The following CCSER1 variants were observed in gnomAD, a reference collection of about 807,000 sequenced individuals.
CCSER1 encodes serine-rich coiled-coil domain-containing protein 1.
CCSER1 carries 41 observed loss-of-function variants against 82.0 expected under a neutral mutation model. That is an observed-to-expected ratio of 0.50 (90% CI 0.39 to 0.65). CCSER1 has a LOEUF of 0.65. Among genes scored for constraint, CCSER1 ranks in the 30% least tolerant of loss-of-function variants. The probability of loss-of-function intolerance (pLI) is 0.00; values close to 1 mark genes in which losing one functional copy is unlikely to be tolerated. For missense variants in CCSER1, 1,119 were observed against 1,064.2 expected, an observed-to-expected ratio of 1.05 and a Z score of -0.72; for synonymous variants, 414 against 383.9, an observed-to-expected ratio of 1.08 and a Z score of -0.92.
At chr4:91,455,116 A>C (rs1756084567) in intron 10 of CCSER1, among the ~76,000 whole-genome samples, 2 of 152,236 alleles carry the variant, frequency 1.3e-5, no homozygotes, top group East Asian at 1.9e-4. Flanking sequence ...TGAGTTTAAT[A>C]AAATTTCATG....
chr4:90,550,311 A>G (rs992881620), intron 5 of CCSER1, among the ~76,000 whole-genome samples: 3 of 152,168 alleles, frequency 2.0e-5, no homozygotes, highest in Non-Finnish European at 4.4e-5. Flanking sequence ...ACATTTATTG[A>G]ACATGGAAAT....
rs190503695 is a variant in CCSER1 at position 90,749,588 on chromosome 4, G to T, written c.2010+25597G>T. Among the ~76,000 whole-genome samples, 297 of 152,184 alleles carry T rather than the reference G, an allele frequency of 2.0e-3. 2 individuals are homozygous for T. Among genetic ancestry groups the T allele is most frequent in the Non-Finnish European group, 2.7e-3 (184 of 68,006 alleles). On this transcript the variant is annotated intron_variant, in intron 7 of 10. Coordinates refer to ENST00000509176, the MANE Select transcript of CCSER1 (RefSeq NM_001145065.2). ...AATTCTGTGAACAAAGTCATTGGTA[G>T]CTTGATGGGGATGACATTGAATCTG...
At chr4:91,395,221 G>C (rs188696705) in intron 10 of CCSER1, among the ~76,000 whole-genome samples, 1 of 152,094 alleles carries the variant, frequency 6.6e-6, no homozygotes, top group African/African-American at 2.4e-5. Flanking sequence ...AACTGTGCTG[G>C]TCAGTTACAG....
chr4:91,497,764 T>C (rs553871425), intron 10 of CCSER1, among the ~76,000 whole-genome samples: 13 of 152,040 alleles, frequency 8.6e-5, no homozygotes, highest in East Asian at 1.9e-4. Context: ...TTCACTATTA[T>C]ATCAATCTTT....
chr4:90,367,592 A>G (rs1578138639), intron 3 of CCSER1, among the ~76,000 whole-genome samples: 1 of 151,954 alleles, frequency 6.6e-6, no homozygotes, highest in East Asian at 1.9e-4. Flanking sequence ...ACAAAAGAAT[A>G]TATGCACAAA....
chr4:91,084,647 C>G (rs945453970), intron 9 of CCSER1, among the ~76,000 whole-genome samples: 17 of 152,012 alleles, frequency 1.1e-4, no homozygotes, highest in Admixed American at 9.2e-4. Context: ...GTTTTATATT[C>G]TTTGTCACAT....
chr4:90,836,738 C>T (rs1761853556), intron 8 of CCSER1, among the ~76,000 whole-genome samples: 1 of 152,182 alleles, frequency 6.6e-6, no homozygotes, highest in African/African-American at 2.4e-5. Context: ...TCATGTCCCT[C>T]AGAACCTCAG....
rs397878573 is a variant in CCSER1, at chr4:90,247,855, G to GT, written c.-41-60381dup. Among the ~76,000 whole-genome samples, 157 of 150,966 alleles carry GT rather than the reference G, an allele frequency of 1.0e-3. 1 individual carries two copies. Among genetic ancestry groups the GT allele is most frequent in the African/African-American group, 3.6e-3 (149 of 41,184 alleles). ...TTAGACTAGCTGGTTCTTATTTATGGTTTTTTTTGAAAAAAGCATTTTTGA... is the reference window on the plus strand; with the variant it reads ...TTAGACTAGCTGGTTCTTATTTATGGTTTTTTTTTGAAAAAAGCATTTTTGA... On this transcript the variant is annotated intron_variant, in intron 1 of 10. Coordinates refer to ENST00000509176, the MANE Select transcript of CCSER1 (RefSeq NM_001145065.2).
rs949711510 is a variant in CCSER1 at position 91,265,615 on chromosome 4, C to T, written c.2217+179621C>T. On this transcript the variant is annotated intron_variant, in intron 10 of 10. Transcript: ENST00000509176. ...TAGGTACCACTTCCATTGGTCTGTTCACTTCTGTTCCATTAATTGTTTCCT... is the reference window on the plus strand; with the variant it reads ...TAGGTACCACTTCCATTGGTCTGTTTACTTCTGTTCCATTAATTGTTTCCT... Among the ~76,000 whole-genome samples the T allele has an allele frequency of 2.0e-5, 3 of 152,098 alleles. No individual in the cohort carries two copies. In the South Asian group the frequency reaches 6.2e-4, roughly 31 times the overall value.
chr4:91,438,875 G>C (rs1023211092), intron 10 of CCSER1, among the ~76,000 whole-genome samples: 1 of 152,168 alleles, frequency 6.6e-6, no homozygotes, highest in African/African-American at 2.4e-5. Context: ...GGAAGAAAGG[G>C]TATCAGTGAT....
At chr4:90,354,621 A>T in intron 3 of CCSER1, among the ~76,000 whole-genome samples, 1 of 152,090 alleles carries the variant, frequency 6.6e-6, no homozygotes, top group East Asian at 1.9e-4. Flanking sequence ...CTACTTTTCA[A>T]TTATACCCCA....
Position 90,309,571 on chromosome 4 carries a change from C to A in CCSER1, c.1287C>A (p.Asn429Lys). The change falls in exon 2 of 11, where the codon AAC becomes AAA. Residue 429 changes from asparagine (N) to lysine (K), a missense_variant. Asn to Lys is a moderately conservative substitution (Grantham distance 94, BLOSUM62 0). Transcript: ENST00000509176. ...IPTSGDHHIF[N>K]KTSHGYEANP... ...CTTCTGGTGATCATCATATTTTTAACAAAACATCACATGGATATGAAGCAA... is the reference window on the plus strand; with the variant it reads ...CTTCTGGTGATCATCATATTTTTAAAAAAACATCACATGGATATGAAGCAA... 6.2e-7 allele frequency: 1 copy of A among 1,603,232 alleles called. No individual in the cohort carries two copies.
intron 5 of CCSER1, among the ~76,000 whole-genome samples, chr4:90,578,089 A>G (rs1273577373): frequency 6.6e-5 from 10 of 152,166 alleles, no homozygotes; most frequent in Non-Finnish European, 4.4e-5. Context: ...AAGACTAAAT[A>G]CCCTTTCATA....
At chr4:91,394,240 G>A (rs1371856191) in intron 10 of CCSER1, among the ~76,000 whole-genome samples, 1 of 151,988 alleles carries the variant, frequency 6.6e-6, no homozygotes, top group Non-Finnish European at 1.5e-5. Flanking sequence ...AATTGAAAAG[G>A]TAGTAAAAAA....
chr4:91,385,894 G>A (rs910988068), intron 10 of CCSER1, among the ~76,000 whole-genome samples: 3 of 151,758 alleles, frequency 2.0e-5, no homozygotes, highest in Admixed American at 6.6e-5. Flanking sequence ...TCATGATTTC[G>A]GATACATATG....
intron 6 of CCSER1, among the ~76,000 whole-genome samples, chr4:90,719,030 G>T (rs958398190): frequency 6.6e-6 from 1 of 151,918 alleles, no homozygotes; most frequent in Non-Finnish European, 1.5e-5. Flanking sequence ...CTTTATTACA[G>T]GGCTCCTCAA....
intron 8 of CCSER1, among the ~76,000 whole-genome samples, chr4:90,890,461 G>A (rs1314928906): frequency 6.6e-6 from 1 of 152,146 alleles, no homozygotes; most frequent in East Asian, 1.9e-4. Context: ...TAAGCAGCCA[G>A]TACCGGACTG....
chr4:90,887,405 T>C (rs1313661901), intron 8 of CCSER1, among the ~76,000 whole-genome samples: 1 of 152,204 alleles, frequency 6.6e-6, no homozygotes, highest in African/African-American at 2.4e-5. Flanking sequence ...TTCCAGTGCA[T>C]TTTTGTTACT....
chr4:91,147,386 C>A (rs1729644223), intron 10 of CCSER1, among the ~76,000 whole-genome samples: 1 of 152,246 alleles, frequency 6.6e-6, no homozygotes. Context: ...GATGGCTGTG[C>A]TCTTCCAGGT....
Sources: gnomAD v4.1 joint callset for allele counts (sites outside exome capture counted in the v4.1 genomes callset) on GRCh38, gnomAD v4.1.1 for gene constraint, MANE v1.5 for transcripts, NCBI Gene and HGNC (gene_info 2026-07-23, HGNC 2026-07-21) for gene names.